The following ZBBX variants were observed in gnomAD, a reference collection of about 807,000 sequenced individuals.
ZBBX encodes zinc finger B-box domain-containing protein 1.
In ZBBX, 101 loss-of-function variants were observed where a neutral mutation model predicts 108.5. The observed-to-expected ratio is 0.93, with a 90% CI of 0.79 to 1.10. The LOEUF (loss-of-function observed/expected upper bound fraction) is 1.10. Among genes scored for constraint, ZBBX ranks in the 50% least tolerant of loss-of-function variants. The pLI is 0.00. For synonymous variants in ZBBX, 356 were observed against 323.4 expected (o/e 1.10, Z -1.08); for missense variants, 1,009 against 941.4 (o/e 1.07, Z -0.94).
At chr3:167,273,497 C>G (rs563142371) in intron 20 of ZBBX, among the ~76,000 whole-genome samples, 1 of 152,148 alleles carries the variant, frequency 6.6e-6, no homozygotes, top group Non-Finnish European at 1.5e-5. Context: ...CATTCAGCTT[C>G]GGTCTTCTGC....
intron 9 of ZBBX, among the ~76,000 whole-genome samples, chr3:167,339,044 T>C (rs1740082770): frequency 6.6e-6 from 1 of 152,166 alleles, no homozygotes; most frequent in African/African-American, 2.4e-5. Context: ...TCTGTTCTGA[T>C]TTCTTTGATG....
In ZBBX at chr3:167,328,044, C is replaced by T. The variant is rs754667753; in HGVS notation, c.760G>A (p.Asp254Asn). 1.4e-5 allele frequency: 22 copies of T among 1,613,682 alleles called. No individual in the cohort carries two copies. The highest frequency in any genetic ancestry group is 1.8e-5 in the Non-Finnish European group (21 of 1,179,870). Residue 254 changes from aspartate (D) to asparagine (N), a missense_variant, in exon 11 of 22, where the codon GAT becomes AAT. Coordinates refer to ENST00000675490, the MANE Select transcript of ZBBX (RefSeq NM_001199201.2). ...RKSLLCEGSF[D>N]EEASAQSFQE... is the part of the protein sequence containing the mutation. ...AAGGACTGTGCAGAAGCTTCTTCAT[C>T]GAATGACCCTTCACACAACAGACTC...
chr3:167,218,897 T>G, the ZBBX span, among the ~76,000 whole-genome samples: 27 of 152,082 alleles, frequency 1.8e-4, no homozygotes, highest in East Asian at 5.0e-3. Flanking sequence ...ACTTCCTCTG[T>G]AAAGACACAC....
chr3:167,242,422 A>G (rs1448732754), intron 21 of ZBBX, 83 bp downstream of exon 21: 3 of 1,170,380 alleles, frequency 2.6e-6, no homozygotes, highest in Admixed American at 4.9e-5. Context: ...CAATCTTTCT[A>G]TATATAATAA....
the ZBBX span, among the ~76,000 whole-genome samples, chr3:167,229,222 G>A: frequency 2.6e-5 from 4 of 151,834 alleles, no homozygotes; most frequent in Middle Eastern, 0.01. Flanking sequence ...AGTTTTGTCA[G>A]GAGTGATTTT....
chr3:167,325,980 G>A (rs1416244883), intron 11 of ZBBX, among the ~76,000 whole-genome samples: 1 of 152,046 alleles, frequency 6.6e-6, no homozygotes, highest in Non-Finnish European at 1.5e-5. Context: ...AATCTTTTTG[G>A]AGGCCAGTTT....
chr3:167,197,038 C>T, the ZBBX span, among the ~76,000 whole-genome samples: 8 of 152,056 alleles, frequency 5.3e-5, no homozygotes, highest in Admixed American at 1.3e-4. Context: ...TATTGACATA[C>T]GGTATATGAG....
intron 21 of ZBBX, among the ~76,000 whole-genome samples, chr3:167,241,400 G>A (rs1720647841): frequency 6.6e-6 from 1 of 152,068 alleles, no homozygotes; most frequent in African/African-American, 2.4e-5. Context: ...TTATTTTGTT[G>A]CATTTTATTG....
At chr3:167,323,243 G>T (rs373197310) in intron 11 of ZBBX, among the ~76,000 whole-genome samples, 97 of 144,716 alleles carry the variant, frequency 6.7e-4, no homozygotes, top group Non-Finnish European at 1.2e-3. Flanking sequence ...AAAAGAGGGG[G>T]GGGGGGGAAA....
chr3:167,371,137 T>A (rs1238877993), intron 4 of ZBBX, among the ~76,000 whole-genome samples: 1 of 152,120 alleles, frequency 6.6e-6, no homozygotes, highest in East Asian at 1.9e-4. Flanking sequence ...TTTTTAATGG[T>A]TTGTGGATCA....
rs115607962 is a variant in ZBBX at position 167,268,172 on chromosome 3, G to T, written c.2254+14066C>A. 7.8e-3 allele frequency among the ~76,000 whole-genome samples: 1,194 copies of T among 152,102 alleles called. 16 individuals carry two copies. Among genetic ancestry groups the T allele is most frequent in the African/African-American group, 0.027 (1,139 of 41,490 alleles). ...AGGAGGTGCTATTGGCTTTGTAAGT[G>T]CTCCCCTAACTAGTTCACAAGTCTG... On this transcript the variant is annotated intron_variant, in intron 20 of 21. Coordinates refer to ENST00000675490, the MANE Select transcript of ZBBX (RefSeq NM_001199201.2).
intron 16 of ZBBX, among the ~76,000 whole-genome samples, chr3:167,313,248 A>C (rs562533889): frequency 6.6e-6 from 1 of 152,102 alleles, no homozygotes; most frequent in Non-Finnish European, 1.5e-5. Flanking sequence ...TAGTAATAGC[A>C]ACATAGATAT....
chr3:167,307,546 A>T (rs1377607113), intron 16 of ZBBX, among the ~76,000 whole-genome samples: 1 of 152,202 alleles, frequency 6.6e-6, no homozygotes. Flanking sequence ...AACTGGAGGC[A>T]TCATGCTACC....
rs1262187394 is a variant in ZBBX at position 167,305,920 on chromosome 3, ATGT to A, written c.1445_1447del (p.Asn482del). 1 of 1,571,508 alleles carries A rather than the reference ATGT, an allele frequency of 6.4e-7. No homozygotes were observed. Among genetic ancestry groups the A allele is most frequent in the Non-Finnish European group, 8.6e-7 (1 of 1,161,560 alleles). ...AGAAGAATACACATCAGGATCCACG[ATGT>A]TGTCAAAATCTGTGTTTGAAGTTTC... On this transcript the variant is annotated inframe_deletion, in exon 17 of 22. Transcript: ENST00000675490.
intron 20 of ZBBX, among the ~76,000 whole-genome samples, chr3:167,261,530 G>C (rs1177747661): frequency 1.3e-5 from 2 of 151,912 alleles, no homozygotes; most frequent in Admixed American, 6.6e-5. Flanking sequence ...ATGGGAGTGA[G>C]GGTCTGAGTT....
At chr3:167,327,566 C>T (rs1392557962) in intron 11 of ZBBX, among the ~76,000 whole-genome samples, 2 of 152,112 alleles carry the variant, frequency 1.3e-5, no homozygotes, top group African/African-American at 2.4e-5. Flanking sequence ...TTTATATTCA[C>T]AGAGAATGGA....
chr3:167,369,823 AG>A (rs752570802), intron 4 of ZBBX, among the ~76,000 whole-genome samples: 19 of 152,134 alleles, frequency 1.2e-4, no homozygotes, highest in Non-Finnish European at 2.4e-4. Context: ...GAAAGGACTT[AG>A]CCAGTCAAAG....
At chr3:167,217,034 G>T in the ZBBX span, among the ~76,000 whole-genome samples, 3 of 152,042 alleles carry the variant, frequency 2.0e-5, no homozygotes, top group Admixed American at 1.3e-4. Context: ...AGACAACCTT[G>T]GTAACACAAT....
chr3:167,390,930 A>T (rs1165143506), intron 1 of ZBBX, among the ~76,000 whole-genome samples: 1 of 152,130 alleles, frequency 6.6e-6, no homozygotes, highest in Non-Finnish European at 1.5e-5. Flanking sequence ...GTCATCTGCA[A>T]ATGAAGATAA....
Sources: allele counts gnomAD v4.1 joint callset (sites outside exome capture counted in the v4.1 genomes callset), GRCh38; gene constraint gnomAD v4.1.1; transcripts MANE v1.5; gene names NCBI Gene and HGNC (gene_info 2026-07-23, HGNC 2026-07-21).